Variants in RNF130 observed in about 807,000 individuals in gnomAD.
RNF130 encodes ring finger protein 130, also known as E3 ubiquitin-protein ligase RNF130.
Under a neutral mutation model 44.6 loss-of-function variants are expected in RNF130, and 21 were observed. The ratio of observed to expected loss-of-function variants is 0.47; its 90% CI spans 0.33 to 0.68. The LOEUF is 0.68. Ranked by LOEUF, RNF130 falls within the 30% of genes least tolerant of loss-of-function variation. The pLI is 0.02. For missense variants in RNF130, 479 were observed against 560.6 expected (o/e 0.85, Z 1.47); for synonymous variants, 214 against 210.4 (o/e 1.02, Z -0.15).
At position 179,966,978 on chromosome 5, in the gene RNF130, G is replaced by A. The variant is rs138874429; in HGVS notation, c.978C>T (p.Phe326=). The change falls in exon 7 of 9, where the codon TTC becomes TTT. Residue 326 remains phenylalanine, a synonymous_variant. Coordinates refer to ENST00000521389, the MANE Select transcript of RNF130 (RefSeq NM_018434.6). The stretch of plus-strand genomic sequence containing the variant: ...GGGTTCTGGTGAGCCTTTCCATATC[G>A]AATGCTACGTTATCAGTACATGGCA... ...PNLPCTDNVA[F]DMERLTRTQA... 9.6e-4 allele frequency: 1,549 copies of A among 1,614,182 alleles called. 7 individuals carry two copies. The highest frequency in any genetic ancestry group is 5.4e-4 in the Non-Finnish European group (642 of 1,180,018).
At chr5:179,928,383 G>C (rs1003322747) in intron 7 of RNF130, among the ~76,000 whole-genome samples, 8 of 151,608 alleles carry the variant, frequency 5.3e-5, no homozygotes, top group Non-Finnish European at 1.2e-4. Context: ...TAGCATTCCA[G>C]CAGGTGTATA....
intron 5 of RNF130, among the ~76,000 whole-genome samples, chr5:179,972,780 A>G (rs1276590216): frequency 6.6e-6 from 1 of 152,100 alleles, no homozygotes; most frequent in Non-Finnish European, 1.5e-5. Flanking sequence ...TATAATCCTC[A>G]TATTTCATTT....
intron 1 of RNF130, among the ~76,000 whole-genome samples, chr5:180,067,325 A>T (rs531759995): frequency 6.6e-6 from 1 of 152,290 alleles, no homozygotes; most frequent in African/African-American, 2.4e-5. Flanking sequence ...AGATCTTTGC[A>T]ATTCTGACCC....
intron 7 of RNF130, among the ~76,000 whole-genome samples, chr5:179,921,110 G>T (rs764970986): frequency 1.3e-5 from 2 of 151,946 alleles, no homozygotes; most frequent in Non-Finnish European, 2.9e-5. Context: ...CTGTTTTTAA[G>T]CTTTACTGGG....
chr5:179,994,113 G>A (rs1414021960), intron 3 of RNF130, among the ~76,000 whole-genome samples: 1 of 152,188 alleles, frequency 6.6e-6, no homozygotes, highest in East Asian at 1.9e-4. Flanking sequence ...GTACCATGCT[G>A]TTCTGGTTAC....
At chr5:179,979,255 T>A (rs1762778389) in intron 4 of RNF130, among the ~76,000 whole-genome samples, 1 of 151,214 alleles carries the variant, frequency 6.6e-6, no homozygotes, top group Non-Finnish European at 1.5e-5. Flanking sequence ...TTAAGTGATT[T>A]CCCCCTTTTC....
chr5:179,952,120 C>T (rs894788615), downstream of RNF130, among the ~76,000 whole-genome samples: 3 of 151,942 alleles, frequency 2.0e-5, no homozygotes, highest in African/African-American at 7.3e-5. Context: ...ATTGTTGGAG[C>T]CAGGGAGTTC....
chr5:179,970,378 A>G (rs1762553756), intron 6 of RNF130, 32 bp downstream of exon 6: 2 of 1,507,022 alleles, frequency 1.3e-6, no homozygotes, highest in South Asian at 1.2e-5. Flanking sequence ...AATAATATAC[A>G]AAAGTGGTAA....
intron 3 of RNF130, among the ~76,000 whole-genome samples, chr5:179,987,200 C>T (rs1275887872): frequency 1.3e-5 from 2 of 152,038 alleles, no homozygotes; most frequent in East Asian, 3.9e-4. Context: ...AGGGTCCCTG[C>T]TCTGTCACCC....
intron 1 of RNF130, among the ~76,000 whole-genome samples, chr5:180,054,347 C>T (rs1453406608): frequency 2.0e-5 from 3 of 152,184 alleles, no homozygotes. Flanking sequence ...TCACCAAATG[C>T]AAAGAATTCC....
chr5:179,960,871 T>C (rs1762311683), intron 8 of RNF130, among the ~76,000 whole-genome samples: 2 of 152,074 alleles, frequency 1.3e-5, no homozygotes, highest in Non-Finnish European at 2.9e-5. Context: ...TTATTTTGGT[T>C]GTAAGTTTAT....
intron 6 of RNF130, among the ~76,000 whole-genome samples, chr5:179,968,435 A>C (rs570891038): frequency 1.6e-3 from 248 of 152,056 alleles, no homozygotes; most frequent in Middle Eastern, 3.4e-3. Flanking sequence ...GGAGGCCGAG[A>C]AGGGCAGATC....
At chr5:179,970,620 T>C in intron 5 of RNF130, 114 bp from the exon 6 acceptor site, 1 of 750,610 alleles carries the variant, frequency 1.3e-6, no homozygotes, top group Non-Finnish European at 2.2e-6. Context: ...TCAGGACATA[T>C]TTTAAGCCCC....
chr5:179,992,829 C>T (rs1371891225), intron 3 of RNF130, among the ~76,000 whole-genome samples: 1 of 152,184 alleles, frequency 6.6e-6, no homozygotes, highest in African/African-American at 2.4e-5. Context: ...CACCCATTAA[C>T]TCATCATTTA....
intron 2 of RNF130, among the ~76,000 whole-genome samples, chr5:180,017,424 T>TGAAA (rs1763766898): frequency 1.3e-5 from 2 of 152,324 alleles, no homozygotes; most frequent in Admixed American, 1.3e-4. Context: ...TGTGGGCTGA[T>TGAAA]ACTTCCAGAT....
intron 2 of RNF130, among the ~76,000 whole-genome samples, chr5:180,020,700 A>T (rs894132779): frequency 3.9e-5 from 6 of 152,158 alleles, no homozygotes; most frequent in African/African-American, 1.4e-4. Context: ...TTCTTATGCT[A>T]TCTCTTGACT....
chr5:179,959,466 A>G (rs1762278427), intron 8 of RNF130, among the ~76,000 whole-genome samples: 1 of 152,040 alleles, frequency 6.6e-6, no homozygotes, highest in African/African-American at 2.4e-5. Context: ...TCTCTACTAA[A>G]AATACAAAAA....
chr5:179,934,804 G>A (rs548434819), intron 7 of RNF130, among the ~76,000 whole-genome samples: 70 of 152,104 alleles, frequency 4.6e-4, no homozygotes, highest in Non-Finnish European at 3.5e-4. Flanking sequence ...TCAGCCTCCC[G>A]GGTCACGTAA....
At chr5:180,040,404 A>G in intron 2 of RNF130, 49 bp downstream of exon 2, 1 of 1,548,040 alleles carries the variant, frequency 6.5e-7, no homozygotes, top group South Asian at 1.2e-5. Flanking sequence ...CTATAAAGCA[A>G]TGATTTCTAA....
Sources: gnomAD v4.1 joint callset for allele counts (sites outside exome capture counted in the v4.1 genomes callset) on GRCh38, gnomAD v4.1.1 for gene constraint, MANE v1.5 for transcripts, NCBI Gene and HGNC (gene_info 2026-07-23, HGNC 2026-07-21) for gene names.